SRSF7: variants seen among roughly 807,000 people sequenced by gnomAD.
SRSF7 encodes serine and arginine rich splicing factor 7, also known as serine/arginine-rich splicing factor 7.
A neutral mutation model predicts 42.2 loss-of-function variants in SRSF7; 15 were observed. The ratio of observed to expected loss-of-function variants is 0.36; its 90% confidence interval spans 0.24 to 0.55. SRSF7 has a LOEUF of 0.55. Among genes scored for constraint, SRSF7 ranks in the 20% least tolerant of loss-of-function variants. The pLI is 0.88. For synonymous variants in SRSF7, 138 were observed against 107.9 expected (o/e 1.28, Z -1.73); for missense variants, 181 against 305.9 (o/e 0.59, Z 3.04).
chr2:38,747,948 T>C (rs1165947001), intron 5 of SRSF7, 99 bp downstream of exon 5: 3 of 801,240 alleles, frequency 3.7e-6, no homozygotes, highest in African/African-American at 3.5e-5. Flanking sequence ...ACATCTCAAA[T>C]ATTCCCTGAA....
At chr2:38,747,572 A>G (rs539643396) in intron 5 of SRSF7, among the ~76,000 whole-genome samples, 2 of 152,318 alleles carry the variant, frequency 1.3e-5, no homozygotes, top group Non-Finnish European at 2.9e-5. Flanking sequence ...CGGTCTAAAA[A>G]AAAAAATCCA....
In SRSF7 at chr2:38,749,815, C is replaced by G. The variant is rs537338273; in HGVS notation, c.210-110G>C. ...ACTCTTTCCAACCACTCCTTCCCCC[C>G]CAACAAACTTTGGCGGTCTTTACCA... On this transcript the variant is annotated intron_variant, in intron 2 of 7. Coordinates refer to ENST00000313117, the MANE Select transcript of SRSF7 (RefSeq NM_001031684.3). 6.8e-4 allele frequency: 906 copies of G among 1,332,816 alleles called. 4 individuals are homozygous for G. The highest frequency in any genetic ancestry group is 1.2e-3 in the Admixed American group (36 of 30,908). 82.6% of individuals were successfully genotyped at this position (1,332,816 alleles called of 1,614,324 possible).
chr2:38,744,409 G>A lies in SRSF7; in HGVS notation c.*724C>T. 1 of 152,558 alleles carries A rather than the reference G, an allele frequency of 6.6e-6. No homozygotes were observed. The highest frequency in any genetic ancestry group is 2.4e-5 in the African/African-American group (1 of 41,434). The allele number at this position is 152,558 out of a possible 1,614,324, so 9.5% of individuals were successfully genotyped here. A position where few individuals can be genotyped will look rare whatever the true frequency, so the allele number is the denominator to read the frequency against. ...AAGCAAAGAAACAAGACCATTGAGA[G>A]TAGAACTCCCCATATCTTGGGGAGT... On this transcript the variant is annotated 3_prime_UTR_variant, in exon 8 of 8. Transcript: ENST00000313117.
At position 38,743,896 on chromosome 2, in the gene SRSF7, A is replaced by AG; in HGVS notation, c.*1236dup. ...AAGCCTAGGTATCTGCGCAACCAGC[A>AG]GGTTTTTTTTTTTTTGTACCAAGGC... On this transcript the variant is annotated 3_prime_UTR_variant, in exon 8 of 8. Coordinates refer to ENST00000313117, the MANE Select transcript of SRSF7 (RefSeq NM_001031684.3). 9.4e-6 allele frequency: 1 copy of AG among 106,048 alleles called. No individual in the cohort carries two copies. The highest frequency in any genetic ancestry group is 3.7e-5 in the African/African-American group (1 of 26,962). 6.6% of individuals were successfully genotyped at this position (106,048 alleles called of 1,614,324 possible).
chr2:38,746,557 C>G (rs1020825054), intron 6 of SRSF7, 137 bp downstream of exon 6: 40 of 1,311,388 alleles, frequency 3.1e-5, no homozygotes, highest in Non-Finnish European at 4.2e-5. Context: ...ATAGGACATA[C>G]ACAAATAAGG....
At position 38,748,570 on chromosome 2, in the gene SRSF7, A is replaced by T. The variant is rs767007683; in HGVS notation, c.461+9T>A. ...AATACAGAAAGACTTCAGTTAAACA[A>T]GATCTCACCTTCGTCCCCTGCTCCT... On this transcript the variant is annotated intron_variant, in intron 4 of 7. Coordinates refer to ENST00000313117, the MANE Select transcript of SRSF7 (RefSeq NM_001031684.3). The T allele has an allele frequency of 2.5e-6, 4 of 1,613,274 alleles. No individual in the cohort carries two copies. In the East Asian group the frequency reaches 6.7e-5, roughly 27 times the overall value.
rs996457540 is a variant in SRSF7 at position 38,748,177 on chromosome 2, G to C, written c.462-20C>G. On this transcript the variant is annotated intron_variant, in intron 4 of 7. Transcript: ENST00000313117. ...CTTGACCTAAAATAAAGAACTTTAAGTCCATCTCCACAGTTTTTTTTTTTT... is the reference window on the plus strand; with the variant it reads ...CTTGACCTAAAATAAAGAACTTTAACTCCATCTCCACAGTTTTTTTTTTTT... 1 of 1,573,000 alleles carries C rather than the reference G, an allele frequency of 6.4e-7. No individual in the cohort carries two copies. The highest frequency in any genetic ancestry group is 8.7e-7 in the Non-Finnish European group (1 of 1,152,454).
Position 38,744,922 on chromosome 2 carries a change from C to T in SRSF7, c.*211G>A. 2.2e-6 allele frequency: 1 copy of T among 458,164 alleles called. No individual in the cohort carries two copies. 28.4% of individuals were successfully genotyped at this position (458,164 alleles called of 1,614,324 possible). ...GTTAGAAACATTTTATTTAAATGTG[C>T]CAAATAAAAACCCACATTTTCAGAC... On this transcript the variant is annotated 3_prime_UTR_variant, in exon 8 of 8. Coordinates refer to ENST00000313117, the MANE Select transcript of SRSF7 (RefSeq NM_001031684.3).
chr2:38,746,825 G>A (rs1359801990), intron 5 of SRSF7, 78 bp from the exon 6 acceptor site: 2 of 1,588,116 alleles, frequency 1.3e-6, no homozygotes, highest in African/African-American at 1.4e-5. Context: ...ACTGTATTAG[G>A]TTGGTCAGGC....
intron 2 of SRSF7, 34 bp from the exon 3 acceptor site, chr2:38,749,739 A>C: frequency 6.6e-7 from 1 of 1,506,082 alleles, no homozygotes; most frequent in Non-Finnish European, 8.8e-7. Flanking sequence ...TTCTAAAGTT[A>C]AAAATATATT....
chr2:38,747,130 G>A, intron 5 of SRSF7: 1 of 475,786 alleles, frequency 2.1e-6, no homozygotes, highest in African/African-American at 2.0e-5. Flanking sequence ...TACTCAGGAG[G>A]CTAAGGCAGG....
chr2:38,749,462 T>C (rs1667955907), intron 3 of SRSF7, 67 bp downstream of exon 3: 2 of 1,547,122 alleles, frequency 1.3e-6, no homozygotes, highest in Non-Finnish European at 8.7e-7. Context: ...CACTAGTTTC[T>C]GCCTTGCTAA....
At chr2:38,748,979 G>C in intron 3 of SRSF7, 7 of 1,286,192 alleles carry the variant, frequency 5.4e-6, no homozygotes, top group Non-Finnish European at 7.0e-6. Context: ...GCCGATCGCT[G>C]CATCTAGATG....
rs567736861 is a variant in SRSF7 at position 38,749,511 on chromosome 2, C to G, written c.386+18G>C. 3 of 1,554,260 alleles carry G rather than the reference C, an allele frequency of 1.9e-6. No homozygotes were observed. In the African/African-American group the frequency reaches 4.1e-5, roughly 21 times the overall value. On this transcript the variant is annotated intron_variant, in intron 3 of 7. Transcript: ENST00000313117. ...TGATTAACTAGAATACCAACCATTCCTTTATTAAAATAAATACCTGCTTCT... is the reference window on the plus strand; with the variant it reads ...TGATTAACTAGAATACCAACCATTCGTTTATTAAAATAAATACCTGCTTCT...
Position 38,745,001 on chromosome 2 carries a change from T to C in SRSF7, c.*132A>G. The C allele has an allele frequency of 1.2e-6, 1 of 853,764 alleles. No individual in the cohort carries two copies. The highest frequency in any genetic ancestry group is 1.8e-6 in the Non-Finnish European group (1 of 553,918). 52.9% of individuals were successfully genotyped at this position (853,764 alleles called of 1,614,324 possible). On this transcript the variant is annotated 3_prime_UTR_variant, in exon 8 of 8. Transcript: ENST00000313117. ...TTATATTATCTTACTGCTGTGAATT[T>C]ACATAGTAATCCAGATCCATTTTGA...
chr2:38,751,312 C>G lies in SRSF7; in HGVS notation c.-56G>C. On this transcript the variant is annotated 5_prime_UTR_variant, in exon 1 of 8. Transcript: ENST00000313117. Reference sequence around the variant, plus strand: ...CAAGCAGCGCCCAGGGCTCGAGTGACGCAAAAGCTGACACACACCTTCACC... The same window carrying G: ...CAAGCAGCGCCCAGGGCTCGAGTGAGGCAAAAGCTGACACACACCTTCACC... The G allele has an allele frequency of 1.2e-6, 2 of 1,612,954 alleles. No individual in the cohort carries two copies. The highest frequency in any genetic ancestry group is 2.2e-5 in the South Asian group (2 of 91,054).
intron 6 of SRSF7, 136 bp from the exon 7 acceptor site, chr2:38,746,315 AG>A (rs1667403953): frequency 2.0e-6 from 2 of 996,972 alleles, no homozygotes. Context: ...ACATCCTACC[AG>A]TTGTTGCTAA....
chr2:38,749,634 G>C lies in SRSF7; in HGVS notation c.281C>G (p.Pro94Arg). The C allele has an allele frequency of 6.2e-7, 1 of 1,607,116 alleles. No homozygotes were observed. Among genetic ancestry groups the C allele is most frequent in the Non-Finnish European group, 8.5e-7 (1 of 1,178,192 alleles). Residue 94 changes from proline (P) to arginine (R), a missense_variant, in exon 3 of 8, where the codon CCA becomes CGA. Physicochemically the swap from Pro to Arg is moderately radical, Grantham distance 103 (BLOSUM62 -2). Coordinates refer to ENST00000313117, the MANE Select transcript of SRSF7 (RefSeq NM_001031684.3). ...TGGATCAAAGGGACGTCGGGCAGGT[G>C]GTCTATCAAAACGTGATCTCCGAGG... is the stretch of plus-strand genomic sequence containing the variant. ...GMPRRSRFDR[P>R]PARRPFDPND...
intron 3 of SRSF7, chr2:38,748,867 T>C: frequency 7.2e-7 from 1 of 1,383,132 alleles, no homozygotes; most frequent in Non-Finnish European, 9.5e-7. Context: ...TTACATAATA[T>C]AAAACACTGT....
Sources: gnomAD v4.1 joint callset for allele counts (sites outside exome capture counted in the v4.1 genomes callset) on GRCh38, gnomAD v4.1.1 for gene constraint, MANE v1.5 for transcripts, NCBI Gene and HGNC (gene_info 2026-07-23, HGNC 2026-07-21) for gene names.